Variants in CTC1 observed in about 807,000 individuals in gnomAD.
The protein encoded by CTC1 is CST complex subunit CTC1.
CTC1 carries 91 observed loss-of-function variants against 136.3 expected under a neutral mutation model. The ratio of observed to expected loss-of-function variants is 0.67; its 90% CI spans 0.56 to 0.79. The LOEUF is 0.79. Among genes scored for constraint, CTC1 ranks in the 30% least tolerant of loss-of-function variants. CTC1 has a pLI of 0.00. For synonymous variants in CTC1, 606 were observed against 613.8 expected (o/e 0.99, Z 0.19); for missense variants, 1,432 against 1,498.1 (o/e 0.96, Z 0.73).
At chr17:8,247,776 G>C in intron 1 of CTC1, 1 of 576,910 alleles carries the variant, frequency 1.7e-6, no homozygotes, top group Admixed American at 3.1e-5. Flanking sequence ...TTAAACCCTA[G>C]AGAGTGAACG....
chr17:8,238,110 G>C lies in CTC1; in HGVS notation c.568C>G (p.Pro190Ala), dbSNP rs1282680398. Residue 190 changes from proline (P) to alanine (A), a missense_variant, in exon 4 of 23, where the codon CCT (proline) becomes GCT (alanine). By Grantham distance (27) the Pro-to-Ala change is conservative. Coordinates refer to ENST00000651323, the MANE Select transcript of CTC1 (RefSeq NM_025099.6). ...ELWDAPVPVF[P>A]LTISPGPVTP... ...ACGGGGCCAGGACTGATGGTCAAAG[G>C]AAACACTGGCACAGGGGCATCCCAC... 1 of 1,614,058 alleles carries C rather than the reference G, an allele frequency of 6.2e-7. No homozygotes were observed. The highest frequency in any genetic ancestry group is 2.2e-5 in the East Asian group (1 of 44,892).
chr17:8,243,224 GA>G (rs1224896182), intron 1 of CTC1, 76 bp from the exon 2 acceptor site: 6 of 1,423,240 alleles, frequency 4.2e-6, no homozygotes, highest in Admixed American at 2.3e-5. Flanking sequence ...TAAAGGACTA[GA>G]AAAAAATATC....
chr17:8,239,066 T>A (rs1482562921), intron 2 of CTC1, among the ~76,000 whole-genome samples: 1 of 129,620 alleles, frequency 7.7e-6, no homozygotes, highest in Non-Finnish European at 1.6e-5. Flanking sequence ...CACTCCAGCT[T>A]GGGCAACAGA....
chr17:8,230,048 C>T (rs745574568), intron 17 of CTC1, 80 bp from the exon 18 acceptor site: 12 of 1,358,880 alleles, frequency 8.8e-6, no homozygotes, highest in Non-Finnish European at 1.3e-5. Context: ...AGATCAAGCA[C>T]CACAGAGTGG....
rs1368145817 is a variant in CTC1, at chr17:8,227,826, C to A, written c.*354G>T. 2 of 196,086 alleles carry A rather than the reference C, an allele frequency of 1.0e-5. No individual in the cohort carries two copies. Among genetic ancestry groups the A allele is most frequent in the African/African-American group, 4.7e-5 (2 of 42,894 alleles). The allele number at this position is 196,086 out of a possible 1,614,324, so 12.1% of individuals were successfully genotyped here. On this transcript the variant is annotated 3_prime_UTR_variant, in exon 23 of 23. Coordinates refer to ENST00000651323, the MANE Select transcript of CTC1 (RefSeq NM_025099.6). ...AGATGAGTACCAGTGAGAAATGACA[C>A]CAGAGGGCTTCATTGCAGGTCAATA...
Position 8,228,845 on chromosome 17 carries a change from T to C in CTC1, c.3269A>G (p.Asn1090Ser), listed in dbSNP as rs368562418. 2.0e-5 allele frequency: 33 copies of C among 1,613,888 alleles called. No homozygotes were observed. The highest frequency in any genetic ancestry group is 2.7e-5 in the Non-Finnish European group (32 of 1,179,952). ...CCCTAGTGCTGCTGCCACATGGTGATTCCTACAGGTCACCACGGCTTCGGC... is the reference window on the plus strand; with the variant it reads ...CCCTAGTGCTGCTGCCACATGGTGACTCCTACAGGTCACCACGGCTTCGGC... The part of the protein sequence containing the change: ...GTAEAVVTCR[N>S]HHVAAALGLC... Residue 1090 changes from asparagine (N) to serine (S), a missense_variant, in exon 21 of 23, where the codon AAT becomes AGT. Transcript: ENST00000651323.
chr17:8,229,142 CTGA>C lies in CTC1; in HGVS notation c.3218_3220del (p.Ile1073del), dbSNP rs1567598691. On this transcript the variant is annotated inframe_deletion and splice_region_variant, in exon 20 of 23. Coordinates refer to ENST00000651323, the MANE Select transcript of CTC1 (RefSeq NM_025099.6). ...ATGGGTGCACGCCTTGTGCTCTCACCTGATGATGGCCTGGCTTATAGCTGTCTG... is the reference window on the plus strand; with the variant it reads ...ATGGGTGCACGCCTTGTGCTCTCACCTGATGGCCTGGCTTATAGCTGTCTG... 1.2e-6 allele frequency: 2 copies of C among 1,613,714 alleles called. No individual in the cohort carries two copies. The highest frequency in any genetic ancestry group is 2.2e-5 in the East Asian group (1 of 44,882).
At chr17:8,243,176 T>C (rs778343169) in intron 1 of CTC1, 28 bp from the exon 2 acceptor site, 61 of 1,600,840 alleles carry the variant, frequency 3.8e-5, no homozygotes, top group Non-Finnish European at 5.0e-5. Flanking sequence ...AGTTAAAACA[T>C]CTTGACTATC....
intron 2 of CTC1, among the ~76,000 whole-genome samples, chr17:8,241,230 G>A (rs1477580756): frequency 6.6e-6 from 1 of 152,192 alleles, no homozygotes; most frequent in African/African-American, 2.4e-5. Flanking sequence ...AGAACTTGCA[G>A]TGAGCCGAGA....
chr17:8,230,210 G>A (rs771818710), intron 17 of CTC1, 84 bp downstream of exon 17: 23 of 1,363,478 alleles, frequency 1.7e-5, no homozygotes, highest in Non-Finnish European at 2.0e-5. Context: ...AGAAGGGGTC[G>A]CTGCAGCAAA....
rs902373537 is a variant in CTC1, at chr17:8,227,265, C to G, written c.*915G>C. The G allele has an allele frequency of 1.3e-5, 2 of 151,064 alleles. No individual in the cohort carries two copies. The highest frequency in any genetic ancestry group is 2.9e-5 in the Non-Finnish European group (2 of 68,036). The allele number at this position is 151,064 out of a possible 1,614,324, so 9.4% of individuals were successfully genotyped here. A position where few individuals can be genotyped will look rare whatever the true frequency, so the allele number is the denominator to read the frequency against. ...CTTTCCACCTCTCCATCTATCAGTC[C>G]CCAGTAAAGAAATGCAGCAACACCA... is the stretch of plus-strand genomic sequence containing the variant. On this transcript the variant is annotated 3_prime_UTR_variant, in exon 23 of 23. Coordinates refer to ENST00000651323, the MANE Select transcript of CTC1 (RefSeq NM_025099.6).
chr17:8,246,881 G>C (rs1988763003), intron 1 of CTC1, among the ~76,000 whole-genome samples: 1 of 151,020 alleles, frequency 6.6e-6, no homozygotes. Flanking sequence ...ACTCCAGCCT[G>C]GTGACAAAGC....
chr17:8,231,048 G>A, intron 15 of CTC1: 2 of 505,288 alleles, frequency 4.0e-6, no homozygotes, highest in Non-Finnish European at 7.0e-6. Context: ...GGCTGATGCA[G>A]GATAATCCTT....
At position 8,231,749 on chromosome 17, in the gene CTC1, G is replaced by A. The variant is rs760884555; in HGVS notation, c.2452C>T (p.Arg818Ter). Residue 818 changes from arginine to a stop codon, truncating the protein, a stop_gained, in exon 14 of 23, where the codon CGA becomes TGA. Coordinates refer to ENST00000651323, the MANE Select transcript of CTC1 (RefSeq NM_025099.6). LOFTEE classifies it high-confidence loss of function. ...ACAGCGGGGCCAGGAGCTATGAGTC[G>A]GTACACCTGTCCCGGGTGCAAGAAC... Reference protein sequence around the residue: ...FEFLHPGQVYRLIAPGPATPM... With the variant: ...FEFLHPGQVY 3.7e-5 allele frequency: 59 copies of A among 1,613,988 alleles called. No homozygotes were observed. The highest frequency in any genetic ancestry group is 5.0e-5 in the Non-Finnish European group (59 of 1,179,986).
rs1335985172 is a variant in CTC1 at position 8,237,407 on chromosome 17, G to C, written c.760C>G (p.Pro254Ala). 1 of 1,613,760 alleles carries C rather than the reference G, an allele frequency of 6.2e-7. No individual in the cohort carries two copies. The highest frequency in any genetic ancestry group is 8.5e-7 in the Non-Finnish European group (1 of 1,179,978). ...YFILSLGRSH[P>A]AVTHVSIIVQ... ...ATGATGGACACGTGGGTGACAGCTG[G>C]GTGTGATCTACCAAGAGACAGGATG... Residue 254 changes from proline to alanine, a missense_variant, in exon 5 of 23, where the codon CCA (proline) becomes GCA (alanine). By Grantham distance (27) the Pro-to-Ala change is conservative (BLOSUM62 -1). Transcript: ENST00000651323.
rs915406565 is a variant in CTC1 at position 8,231,728 on chromosome 17, C to T, written c.2473G>A (p.Ala825Thr). Residue 825 changes from alanine (A) to threonine (T), a missense_variant and splice_region_variant, in exon 14 of 23, where the codon GCT becomes ACT. By Grantham distance (58) the Ala-to-Thr change is moderately conservative. Coordinates refer to ENST00000651323, the MANE Select transcript of CTC1 (RefSeq NM_025099.6). ...GTATGATGAAGTAGGACACTCACAG[C>T]GGGGCCAGGAGCTATGAGTCGGTAC... ...QVYRLIAPGP[A>T]TPMLFEKDGS... The T allele has an allele frequency of 3.7e-6, 6 of 1,613,670 alleles. No individual in the cohort carries two copies. The highest frequency in any genetic ancestry group is 2.2e-5 in the East Asian group (1 of 44,882).
intron 1 of CTC1, 43 bp from the exon 2 acceptor site, chr17:8,243,191 C>A (rs1355959799): frequency 1.3e-6 from 2 of 1,572,776 alleles, no homozygotes; most frequent in Admixed American, 1.9e-5. Context: ...ACTATCCGGC[C>A]CACCAAGGAA....
rs749763076 is a variant in CTC1, at chr17:8,231,737, G to A, written c.2464C>T (p.Pro822Ser). The A allele has an allele frequency of 5.0e-6, 8 of 1,614,016 alleles. 1 individual carries two copies. The highest frequency in any genetic ancestry group is 4.4e-5 in the South Asian group (4 of 91,076). ...HPGQVYRLIA[P>S]GPATPMLFEK... Reference sequence around the variant, plus strand: ...AGTAGGACACTCACAGCGGGGCCAGGAGCTATGAGTCGGTACACCTGTCCC... The same window carrying A: ...AGTAGGACACTCACAGCGGGGCCAGAAGCTATGAGTCGGTACACCTGTCCC... Residue 822 changes from proline to serine, a missense_variant, in exon 14 of 23, where the codon CCT becomes TCT. Pro to Ser is a moderately conservative substitution (Grantham distance 74). Transcript: ENST00000651323.
Position 8,227,025 on chromosome 17 carries a change from GTTAT to G in CTC1, c.*1151_*1154del, listed in dbSNP as rs1003660073. On this transcript the variant is annotated 3_prime_UTR_variant, in exon 23 of 23. Transcript: ENST00000651323. ...CGGGGTTCGAACCCGCGACCTTGGC[GTTAT>G]TAGCACCACGCTCTAACCAACTGAG... 3 of 151,950 alleles carry G rather than the reference GTTAT, an allele frequency of 2.0e-5. No individual in the cohort carries two copies. The highest frequency in any genetic ancestry group is 7.3e-5 in the African/African-American group (3 of 40,848). 9.4% of individuals were successfully genotyped at this position (151,950 alleles called of 1,614,324 possible).
Sources: allele counts gnomAD v4.1 joint callset (sites outside exome capture counted in the v4.1 genomes callset), GRCh38; gene constraint gnomAD v4.1.1; transcripts MANE v1.5; gene names NCBI Gene and HGNC (gene_info 2026-07-23, HGNC 2026-07-21).